Variants in CRAMP1 observed in about 807,000 individuals in gnomAD.
The protein encoded by CRAMP1 is cramped chromatin regulator 1, also known as protein cramped-like.
In CRAMP1, 50 loss-of-function variants were observed where a neutral mutation model predicts 115.4. The observed-to-expected ratio is 0.43, with a 90% CI of 0.35 to 0.55. The LOEUF is 0.55. CRAMP1 is among the 20% of genes least tolerant of loss of function. CRAMP1 has a pLI of 0.01. For synonymous variants in CRAMP1, 866 were observed against 745.4 expected, an observed-to-expected ratio of 1.16 and a Z score of -2.64; for missense variants, 1,679 against 1,721.7, an observed-to-expected ratio of 0.98 and a Z score of 0.44.
chr16:1,632,475 C>A, intron 4 of CRAMP1, 110 bp downstream of exon 4: 1 of 1,144,402 alleles, frequency 8.7e-7, no homozygotes, highest in Non-Finnish European at 1.2e-6. Context: ...ATTTTCTCAC[C>A]AGCCGCTTGG....
Position 1,653,117 on chromosome 16 carries a change from G to T in CRAMP1, c.998G>T (p.Trp333Leu). The T allele has an allele frequency of 6.2e-7, 1 of 1,611,412 alleles. No homozygotes were observed. Among genetic ancestry groups the T allele is most frequent in the Non-Finnish European group, 8.5e-7 (1 of 1,178,792 alleles). The change falls in exon 8 of 21, where the codon TGG (tryptophan) becomes TTG (leucine). Residue 333 changes from tryptophan to leucine, a missense_variant. Around this residue, in one of 8 missense-constraint regions of CRAMP1, gnomAD observed 191 missense variants for 236.2 expected, o/e 0.81. Coordinates refer to ENST00000397412, the MANE Select transcript of CRAMP1 (RefSeq NM_020825.4). ...IELQPRNNHA[W>L]ARVQSLAQNP... The stretch of plus-strand genomic sequence containing the variant: ...CTACAGCCGCGGAACAACCACGCCT[G>T]GGCCCGTGTGCAGAGCCTTGCCCAG...
intron 14 of CRAMP1, 34 bp downstream of exon 14, chr16:1,665,172 C>A: frequency 7.2e-7 from 1 of 1,387,890 alleles, no homozygotes. Context: ...GGTAGCTTGT[C>A]CCTCCTCCTC....
chr16:1,644,880 T>A (rs1233206328), intron 6 of CRAMP1, among the ~76,000 whole-genome samples: 1 of 152,068 alleles, frequency 6.6e-6, no homozygotes, highest in Admixed American at 6.6e-5. Context: ...TTTCCTTTTT[T>A]AAATAGAGGC....
intron 6 of CRAMP1, among the ~76,000 whole-genome samples, chr16:1,646,402 C>T (rs1242849601): frequency 6.6e-6 from 1 of 152,140 alleles, no homozygotes; most frequent in Non-Finnish European, 1.5e-5. Context: ...CTAAAGTCAC[C>T]CTAGTAGGTG....
chr16:1,675,476 G>A lies in CRAMP1; in HGVS notation c.*1431G>A, dbSNP rs1469722544. 9 of 152,668 alleles carry A rather than the reference G, an allele frequency of 5.9e-5. No homozygotes were observed. The highest frequency in any genetic ancestry group is 2.9e-5 in the Non-Finnish European group (2 of 68,246). 9.5% of individuals were successfully genotyped at this position (152,668 alleles called of 1,614,324 possible). On this transcript the variant is annotated 3_prime_UTR_variant, in exon 21 of 21. Transcript: ENST00000397412. ...CCCCACCATTCCTCTTCCCCCACAT[G>A]TGTGGCACGCTGCAGCCCTCAAGGC... is the stretch of plus-strand genomic sequence containing the variant.
intron 2 of CRAMP1, among the ~76,000 whole-genome samples, chr16:1,620,210 G>A (rs2036454520): frequency 6.6e-6 from 1 of 152,212 alleles, no homozygotes. Context: ...GAGAGGCACG[G>A]AATGCCTCAG....
chr16:1,660,043 G>A lies in CRAMP1; in HGVS notation c.2393G>A (p.Ser798Asn). Reference protein sequence around the residue: ...SLRSSKTFPPSSAPCSSGLRN... With the variant: ...SLRSSKTFPPNSAPCSSGLRN... ...CGCAGCAGCAAGACCTTCCCGCCCAGCTCTGCACCCTGCTCCTCAGGTGAG... is the reference window on the plus strand; with the variant it reads ...CGCAGCAGCAAGACCTTCCCGCCCAACTCTGCACCCTGCTCCTCAGGTGAG... The change falls in exon 11 of 21, where the codon AGC becomes AAC. Residue 798 changes from serine to asparagine, a missense_variant. This residue lies in a region of CRAMP1 where 709 missense variants were observed against 741.9 expected (regional missense o/e 0.96). Coordinates refer to ENST00000397412, the MANE Select transcript of CRAMP1 (RefSeq NM_020825.4). 6.3e-7 allele frequency: 1 copy of A among 1,590,042 alleles called. No homozygotes were observed. The highest frequency in any genetic ancestry group is 8.5e-7 in the Non-Finnish European group (1 of 1,175,468).
intron 6 of CRAMP1, chr16:1,646,931 C>G: frequency 4.6e-6 from 3 of 647,184 alleles, no homozygotes; most frequent in Non-Finnish European, 8.4e-6. Context: ...GCCTTTGCAT[C>G]CTTGTCAAAC....
rs548896055 is a variant in CRAMP1 at position 1,677,716 on chromosome 16, A to G, written c.*3671A>G. ...ATATGCATATACAGTGTATGTATAA[A>G]GCAGAATGCCTGCCTTTCCTGGTTA... On this transcript the variant is annotated 3_prime_UTR_variant, in exon 21 of 21. Transcript: ENST00000397412. The G allele has an allele frequency of 1.4e-4, 22 of 152,810 alleles. No homozygotes were observed. Among genetic ancestry groups the G allele is most frequent in the African/African-American group, 5.0e-4 (21 of 41,592 alleles). 9.5% of individuals were successfully genotyped at this position (152,810 alleles called of 1,614,324 possible).
intron 9 of CRAMP1, 35 bp from the exon 10 acceptor site, chr16:1,655,838 AGTGC>A (rs776312059): frequency 3.2e-6 from 5 of 1,572,624 alleles, no homozygotes; most frequent in Non-Finnish European, 3.5e-6. Context: ...TCCCGACCTC[AGTGC>A]TAGCCAGTGT....
chr16:1,664,571 G>A (rs2036858080), intron 13 of CRAMP1, among the ~76,000 whole-genome samples: 1 of 152,156 alleles, frequency 6.6e-6, no homozygotes, highest in Admixed American at 6.5e-5. Flanking sequence ...CTGAGGTCAG[G>A]AGTTCAAGAC....
chr16:1,656,045 G>A lies in CRAMP1; in HGVS notation c.1288G>A (p.Gly430Ser), dbSNP rs772594351. 24 of 1,611,650 alleles carry A rather than the reference G, an allele frequency of 1.5e-5. No homozygotes were observed. Among genetic ancestry groups the A allele is most frequent in the South Asian group, 4.4e-5 (4 of 90,960 alleles). Residue 430 changes from glycine to serine, a missense_variant, in exon 10 of 21, where the codon GGC becomes AGC. Gly to Ser is a moderately conservative substitution (Grantham distance 56). This residue lies in a region of CRAMP1 where 191 missense variants were observed against 236.2 expected (regional missense o/e 0.81). Coordinates refer to ENST00000397412, the MANE Select transcript of CRAMP1 (RefSeq NM_020825.4). This position sits in a 1 kb window ranked among gnomAD's most constrained non-coding sequence, Gnocchi z 5.6. ...CTGCACAGTGCACTGGCAGGAGGGC[G>A]GCCGGTGCAAGCAGAGTGCCAAGGA... is the stretch of plus-strand genomic sequence containing the variant. Reference protein sequence around the residue: ...AFCTVHWQEGGRCKQSAKDAH... With the variant: ...AFCTVHWQEGSRCKQSAKDAH...
At position 1,659,879 on chromosome 16, in the gene CRAMP1, G is replaced by C. The variant is rs750486980; in HGVS notation, c.2236-7G>C. On this transcript the variant is annotated splice_polypyrimidine_tract_variant and splice_region_variant and intron_variant, in intron 10 of 20. Transcript: ENST00000397412. ...TTTGGACATTGTTTGGCCCATTTCT[G>C]TCCTAGGCTCTGGAAGCAAACACCA... 6.2e-7 allele frequency: 1 copy of C among 1,613,164 alleles called. No individual in the cohort carries two copies. The highest frequency in any genetic ancestry group is 2.2e-5 in the East Asian group (1 of 44,858).
intron 2 of CRAMP1, among the ~76,000 whole-genome samples, chr16:1,619,814 G>C (rs1402979943): frequency 1.3e-5 from 2 of 152,168 alleles, no homozygotes; most frequent in Non-Finnish European, 2.9e-5. Flanking sequence ...GGGTGTCGTG[G>C]AGACCATTAG....
At position 1,677,765 on chromosome 16, in the gene CRAMP1, ATAT is replaced by A. The variant is rs2036982863; in HGVS notation, c.*3725_*3727del. On this transcript the variant is annotated 3_prime_UTR_variant, in exon 21 of 21. Coordinates refer to ENST00000397412, the MANE Select transcript of CRAMP1 (RefSeq NM_020825.4). ...TATTTTTTGTACCATATTGTAAATT[ATAT>A]TATTTATTCTTTACCAATTTTGGGA... 6.5e-6 allele frequency: 1 copy of A among 152,702 alleles called. No individual in the cohort carries two copies. Among genetic ancestry groups the A allele is most frequent in the Non-Finnish European group, 1.5e-5 (1 of 68,056 alleles). 9.5% of individuals were successfully genotyped at this position (152,702 alleles called of 1,614,324 possible). A position where few individuals can be genotyped will look rare whatever the true frequency, so the allele number is the denominator to read the frequency against.
At chr16:1,654,152 A>G (rs1271950820) in intron 8 of CRAMP1, among the ~76,000 whole-genome samples, 2 of 151,870 alleles carry the variant, frequency 1.3e-5, no homozygotes, top group African/African-American at 4.8e-5. Flanking sequence ...CAAAAAAAAA[A>G]AAAAGAAAAA....
At chr16:1,620,925 AT>A (rs34597800) in intron 2 of CRAMP1, among the ~76,000 whole-genome samples, 21,441 of 146,466 alleles carry the variant, frequency 0.15, 2,040 homozygotes, top group African/African-American at 0.25. Context: ...CCCCCATTTC[AT>A]TTTTTTTTTT....
intron 19 of CRAMP1, chr16:1,670,441 T>G (rs1209541359): frequency 2.0e-6 from 1 of 511,114 alleles, no homozygotes; most frequent in Non-Finnish European, 3.5e-6. Context: ...ACCGTGGGAC[T>G]CGTGGAAAAC....
intron 13 of CRAMP1, among the ~76,000 whole-genome samples, chr16:1,664,249 A>G (rs1596497417): frequency 6.6e-6 from 1 of 152,142 alleles, no homozygotes; most frequent in Non-Finnish European, 1.5e-5. Context: ...AGTCCTTGTC[A>G]CTCAAACCTG....
Sources: allele counts gnomAD v4.1 joint callset (sites outside exome capture counted in the v4.1 genomes callset), GRCh38; gene constraint gnomAD v4.1.1; regional missense constraint gnomAD v4.1.1; non-coding constraint Gnocchi (gnomAD v3.1); transcripts MANE v1.5; gene names NCBI Gene and HGNC (gene_info 2026-07-23, HGNC 2026-07-21).